AGBL3: variants seen among roughly 807,000 people sequenced by gnomAD.
AGBL3 encodes AGBL carboxypeptidase 3, also known as cytosolic carboxypeptidase 3.
Under a neutral mutation model 94.5 loss-of-function variants are expected in AGBL3, and 68 were observed. The observed-to-expected ratio is 0.72, with a 90% CI of 0.59 to 0.88. The LOEUF (loss-of-function observed/expected upper bound fraction) is 0.88, where lower values mean the gene tolerates loss of function less well. AGBL3 is among the 40% of genes least tolerant of loss of function. AGBL3 has a pLI of 0.00. For synonymous variants in AGBL3, 354 were observed against 370.7 expected (o/e 0.95, Z 0.52); for missense variants, 934 against 1,103.8 (o/e 0.85, Z 2.18).
intron 11 of AGBL3, among the ~76,000 whole-genome samples, chr7:135,052,322 C>A (rs1817952483): frequency 1.3e-5 from 2 of 152,080 alleles, no homozygotes. Flanking sequence ...TAGGGGTTTT[C>A]CTTATTTCTG....
rs767063041 is a variant in AGBL3 at position 135,034,421 on chromosome 7, A to T, written c.830A>T (p.Tyr277Phe). 10 of 1,551,598 alleles carry T rather than the reference A, an allele frequency of 6.4e-6. No homozygotes were observed. The South Asian group carries it at 9.5e-5, about 15-fold the overall frequency. Reference protein sequence around the residue: ...RNNPGQDGRHYFSLTWTFQFP... With the variant: ...RNNPGQDGRHFFSLTWTFQFP... Reference sequence around the variant, plus strand: ...AACCCAGGCCAAGATGGGCGCCATTATTTCTCTCTTACATGGACATTTCAA... The same window carrying T: ...AACCCAGGCCAAGATGGGCGCCATTTTTTCTCTCTTACATGGACATTTCAA... The change falls in exon 7 of 17, where the codon TAT (tyrosine) becomes TTT (phenylalanine). Residue 277 changes from tyrosine to phenylalanine, a missense_variant. Tyr to Phe is a conservative substitution (Grantham distance 22). Around this residue, in one of 3 missense-constraint regions of AGBL3, gnomAD observed 488 missense variants for 563.6 expected, o/e 0.87. Coordinates refer to ENST00000436302, the MANE Select transcript of AGBL3 (RefSeq NM_178563.4).
At chr7:135,011,730 G>A (rs2133464567) in intron 4 of AGBL3, 2 of 152,266 alleles carry the variant, frequency 1.3e-5, no homozygotes, top group Middle Eastern at 6.8e-3. Flanking sequence ...GCTGAGTTCT[G>A]TTTCACAGAA....
intron 15 of AGBL3, among the ~76,000 whole-genome samples, chr7:135,109,865 C>T (rs1441664615): frequency 6.6e-6 from 1 of 152,100 alleles, no homozygotes; most frequent in Non-Finnish European, 1.5e-5. Flanking sequence ...ATAGCAAAGA[C>T]GGTGGCCCAT....
chr7:135,009,106 C>T (rs1054859218), intron 4 of AGBL3, among the ~76,000 whole-genome samples: 1 of 152,092 alleles, frequency 6.6e-6, no homozygotes, highest in Non-Finnish European at 1.5e-5. Flanking sequence ...ACTATTTGAC[C>T]CAGCAGTTCC....
At chr7:135,043,662 C>T (rs896964270) in intron 8 of AGBL3, among the ~76,000 whole-genome samples, 3 of 152,044 alleles carry the variant, frequency 2.0e-5, no homozygotes, top group South Asian at 2.1e-4. Flanking sequence ...TTATTACATA[C>T]TGCATATCTC....
intron 5 of AGBL3, among the ~76,000 whole-genome samples, chr7:135,031,122 C>T (rs1391139691): frequency 6.6e-6 from 1 of 151,952 alleles, no homozygotes; most frequent in Non-Finnish European, 1.5e-5. Context: ...CCAACATTTG[C>T]ATTATCTTGG....
chr7:135,027,372 C>T (rs960875477), intron 5 of AGBL3, among the ~76,000 whole-genome samples: 1 of 151,460 alleles, frequency 6.6e-6, no homozygotes, highest in Non-Finnish European at 1.5e-5. Context: ...TAATATTATA[C>T]CTTTTTTTGT....
intron 3 of AGBL3, among the ~76,000 whole-genome samples, chr7:134,991,097 T>A (rs1339842100): frequency 6.6e-6 from 1 of 151,800 alleles, no homozygotes; most frequent in Admixed American, 6.6e-5. Context: ...CTTGTATAGA[T>A]GGTTCAAAGT....
intron 4 of AGBL3, among the ~76,000 whole-genome samples, chr7:135,004,021 G>C (rs1387932607): frequency 6.6e-6 from 1 of 151,302 alleles, no homozygotes; most frequent in Non-Finnish European, 1.5e-5. Context: ...TCATTTTAAT[G>C]GGACTAGTAT....
chr7:135,030,230 A>C (rs1815583040), intron 5 of AGBL3, among the ~76,000 whole-genome samples: 1 of 152,090 alleles, frequency 6.6e-6, no homozygotes, highest in African/African-American at 2.4e-5. Flanking sequence ...ACAATTTCAC[A>C]AGGTACGCCT....
At position 135,045,473 on chromosome 7, in the gene AGBL3, G is replaced by C. The variant is rs1215261575; in HGVS notation, c.1628-1G>C. The C allele has an allele frequency of 6.5e-7, 1 of 1,550,372 alleles. No individual in the cohort carries two copies. Among genetic ancestry groups the C allele is most frequent in the Admixed American group, 2.0e-5 (1 of 50,970 alleles). On this transcript the variant is annotated splice_acceptor_variant, in intron 9 of 16. Coordinates refer to ENST00000436302, the MANE Select transcript of AGBL3 (RefSeq NM_178563.4). LOFTEE classifies it high-confidence loss of function. ...GGTGGATAAACTTATTGATGTTTTA[G>C]GTAACAAACGAGGCACTCATTTCAG...
intron 15 of AGBL3, among the ~76,000 whole-genome samples, chr7:135,109,557 C>T (rs1177212506): frequency 2.6e-5 from 4 of 152,198 alleles, no homozygotes; most frequent in African/African-American, 7.2e-5. Context: ...TTTTCAGCAC[C>T]TGAAGGTACC....
intron 13 of AGBL3, 95 bp downstream of exon 13, chr7:135,076,563 C>G: frequency 1.0e-6 from 1 of 966,430 alleles, no homozygotes. Context: ...CCCGAATTTT[C>G]CCCCAGGAGA....
intron 11 of AGBL3, among the ~76,000 whole-genome samples, chr7:135,055,473 A>C (rs1033344615): frequency 6.6e-6 from 1 of 152,140 alleles, no homozygotes; most frequent in African/African-American, 2.4e-5. Context: ...TTTGTCATGA[A>C]TATGTGTTGG....
Position 135,034,305 on chromosome 7 carries a change from T to G in AGBL3, c.714T>G (p.Gly238=), listed in dbSNP as rs570387903. 6.4e-7 allele frequency: 1 copy of G among 1,551,744 alleles called. No individual in the cohort carries two copies. Among genetic ancestry groups the G allele is most frequent in the East Asian group, 2.4e-5 (1 of 40,918 alleles). ...FTKPASLYSR[G]MRPLFYSEKE... ...AACCTGCTAGTCTTTACAGTCGGGG[T>G]ATGCGCCCACTGTTCTATTCTGAAA... is the stretch of plus-strand genomic sequence containing the variant. Residue 238 remains glycine (G), a synonymous_variant, in exon 7 of 17, where the codon GGT becomes GGG. Transcript: ENST00000436302.
intron 16 of AGBL3, among the ~76,000 whole-genome samples, chr7:135,125,687 G>A (rs759675597): frequency 8.5e-5 from 13 of 152,128 alleles, no homozygotes; most frequent in South Asian, 2.1e-4. Flanking sequence ...ATCAAAAAAC[G>A]TATCCACCAT....
intron 15 of AGBL3, among the ~76,000 whole-genome samples, chr7:135,096,351 GAA>G (rs905609273): frequency 1.9e-4 from 28 of 148,692 alleles, no homozygotes; most frequent in South Asian, 1.3e-3. Flanking sequence ...AAGAAAGAAA[GAA>G]AGAGAGAGAC....
chr7:135,055,564 C>T (rs1244235406), intron 11 of AGBL3, among the ~76,000 whole-genome samples: 1 of 151,994 alleles, frequency 6.6e-6, no homozygotes, highest in Non-Finnish European at 1.5e-5. Flanking sequence ...CAGATTACAT[C>T]AACTGATTTT....
intron 12 of AGBL3, among the ~76,000 whole-genome samples, chr7:135,060,822 A>G (rs943646508): frequency 1.3e-5 from 2 of 152,150 alleles, no homozygotes; most frequent in Non-Finnish European, 2.9e-5. Context: ...AGTTGATTCC[A>G]TACACTGGCT....
Sources: gnomAD v4.1 joint callset for allele counts (sites outside exome capture counted in the v4.1 genomes callset) on GRCh38, gnomAD v4.1.1 for gene constraint, gnomAD v4.1.1 regional missense constraint, MANE v1.5 for transcripts, NCBI Gene and HGNC (gene_info 2026-07-23, HGNC 2026-07-21) for gene names.